The following PGR variants were observed in gnomAD, a reference collection of about 807,000 sequenced individuals.
PGR encodes the protein progesterone receptor.
In PGR, 25 loss-of-function variants were observed where a neutral mutation model predicts 76.1. The ratio of observed to expected loss-of-function variants is 0.33; its 90% CI spans 0.24 to 0.46. The LOEUF (loss-of-function observed/expected upper bound fraction) is 0.46, where lower values mean the gene tolerates loss of function less well. Ranked by LOEUF, PGR falls within the 20% of genes least tolerant of loss-of-function variation. The probability of loss-of-function intolerance (pLI) is 1.00; values close to 1 mark genes in which losing one functional copy is unlikely to be tolerated. For synonymous variants in PGR, 579 were observed against 535.0 expected, an observed-to-expected ratio of 1.08 and a Z score of -1.14; for missense variants, 1,172 against 1,225.3, an observed-to-expected ratio of 0.96 and a Z score of 0.65.
intron 2 of PGR, among the ~76,000 whole-genome samples, chr11:101,114,473 A>C (rs1287146825): frequency 6.6e-6 from 1 of 152,134 alleles, no homozygotes; most frequent in Non-Finnish European, 1.5e-5. Context: ...CATTATGTAG[A>C]ATATAATACA....
chr11:101,126,103 T>C lies in PGR; in HGVS notation c.1693A>G (p.Lys565Glu). The change falls in exon 2 of 8, where the codon AAG (lysine) becomes GAG (glutamate). Residue 565 changes from lysine (K) to glutamate (E), a missense_variant. Physicochemically the swap from Lys to Glu is moderately conservative, Grantham distance 56. Transcript: ENST00000325455. ...PQYSFESLPQ[K>E]ICLICGDEAS... is the part of the protein sequence containing the mutation. ...TCATCCCCACAGATTAAACAAATCT[T>C]CTGAGGTAATGACTCGAAGCTGTAT... is the stretch of plus-strand genomic sequence containing the variant. 6.2e-7 allele frequency: 1 copy of C among 1,614,088 alleles called. No homozygotes were observed. Among genetic ancestry groups the C allele is most frequent in the Non-Finnish European group, 8.5e-7 (1 of 1,179,976 alleles).
chr11:101,036,175 T>A lies in PGR; in HGVS notation c.*2941A>T, dbSNP rs956174994. On this transcript the variant is annotated 3_prime_UTR_variant, in exon 8 of 8. Transcript: ENST00000325455. ...TACAGGTTGACATTCCATGGCTACT[T>A]ACAAGGCATAGTTTTGGCAAAAAAA... is the stretch of plus-strand genomic sequence containing the variant. 5 of 220,786 alleles carry A rather than the reference T, an allele frequency of 2.3e-5. No homozygotes were observed. Among genetic ancestry groups the A allele is most frequent in the African/African-American group, 1.1e-4 (5 of 44,654 alleles). The allele number at this position is 220,786 out of a possible 1,614,324, so 13.7% of individuals were successfully genotyped here.
chr11:101,071,873 G>T (rs1319014019), intron 3 of PGR, among the ~76,000 whole-genome samples: 1 of 152,108 alleles, frequency 6.6e-6, no homozygotes. Flanking sequence ...GAAAGTGACG[G>T]GGAGAATGGA....
chr11:101,030,873 C>A lies in PGR; in HGVS notation c.*8243G>T, dbSNP rs1378448103. 5.2e-6 allele frequency: 1 copy of A among 193,204 alleles called. No homozygotes were observed. Among genetic ancestry groups the A allele is most frequent in the African/African-American group, 2.3e-5 (1 of 43,112 alleles). 12.0% of individuals were successfully genotyped at this position (193,204 alleles called of 1,614,324 possible). ...ATAGCAAGAGGAAGTGAGAGGCTTTCATGATTCAGAAGAAGGAAGATGTAG... is the reference window on the plus strand; with the variant it reads ...ATAGCAAGAGGAAGTGAGAGGCTTTAATGATTCAGAAGAAGGAAGATGTAG... On this transcript the variant is annotated 3_prime_UTR_variant, in exon 8 of 8. Coordinates refer to ENST00000325455, the MANE Select transcript of PGR (RefSeq NM_000926.4).
chr11:101,053,358 T>C (rs924247422), intron 4 of PGR, among the ~76,000 whole-genome samples: 1 of 148,856 alleles, frequency 6.7e-6, no homozygotes, highest in African/African-American at 2.4e-5. Context: ...AGTAGAAAAA[T>C]TGCTACTCTC....
At position 101,037,496 on chromosome 11, in the gene PGR, G is replaced by A. The variant is rs2135373572; in HGVS notation, c.*1620C>T. ...AGGTTTACAGTACAAAACAATTTAA[G>A]GCTACATAAACATAAGAAATAATTG... On this transcript the variant is annotated 3_prime_UTR_variant, in exon 8 of 8. Transcript: ENST00000325455. 4.4e-6 allele frequency: 1 copy of A among 226,590 alleles called. No individual in the cohort carries two copies. Among genetic ancestry groups the A allele is most frequent in the South Asian group, 1.8e-4 (1 of 5,480 alleles). 14.0% of individuals were successfully genotyped at this position (226,590 alleles called of 1,614,324 possible).
At chr11:101,089,033 G>C (rs190218866) in intron 3 of PGR, among the ~76,000 whole-genome samples, 1 of 152,216 alleles carries the variant, frequency 6.6e-6, no homozygotes, top group East Asian at 1.9e-4. Context: ...GAGGAGGAAG[G>C]AAGAAGAAGA....
Position 101,127,701 on chromosome 11 carries a change from G to T in PGR, c.1370C>A (p.Thr457Asn), listed in dbSNP as rs1022050429. 4 of 1,583,160 alleles carry T rather than the reference G, an allele frequency of 2.5e-6. No homozygotes were observed. The highest frequency in any genetic ancestry group is 1.3e-5 in the African/African-American group (1 of 74,746). The change falls in exon 1 of 8, where the codon ACC becomes AAC. Residue 457 changes from threonine to asparagine, a missense_variant. By Grantham distance (65) the Thr-to-Asn change is moderately conservative (BLOSUM62 0). Coordinates refer to ENST00000325455, the MANE Select transcript of PGR (RefSeq NM_000926.4). Reference sequence around the variant, plus strand: ...CGCTTTGTACAGGATGCACTCCAGGGTCGACCCCGAGGAGGACGCAGACGA... The same window carrying T: ...CGCTTTGTACAGGATGCACTCCAGGTTCGACCCCGAGGAGGACGCAGACGA... Reference protein sequence around the residue: ...SVSSASSSGSTLECILYKAEG... With the variant: ...SVSSASSSGSNLECILYKAEG...
intron 2 of PGR, among the ~76,000 whole-genome samples, chr11:101,110,245 A>G (rs631003): frequency 0.97 from 148,303 of 152,320 alleles, 72,211 homozygotes; most frequent in East Asian, 1. Context: ...CATAGATTGT[A>G]ATTCCTCTGA....
rs1156650235 is a variant in PGR at position 101,056,764 on chromosome 11, A to AGAT, written c.2213-5199_2213-5197dup. On this transcript the variant is annotated intron_variant, in intron 4 of 7. Coordinates refer to ENST00000325455, the MANE Select transcript of PGR (RefSeq NM_000926.4). ...GTAAAAAATGTCATGTAATTGAAACAGATAATCTACAACAATGGCAGAGCA... is the reference window on the plus strand; with the variant it reads ...GTAAAAAATGTCATGTAATTGAAACAGATGATAATCTACAACAATGGCAGAGCA... Among the ~76,000 whole-genome samples the AGAT allele has an allele frequency of 1.3e-4, 20 of 152,330 alleles. 2 individuals are homozygous for AGAT. The highest frequency in any genetic ancestry group is 1.2e-3 in the Admixed American group (19 of 15,298).
rs963138529 is a variant in PGR at position 101,117,203 on chromosome 11, A to G, written c.1789+8804T>C. On this transcript the variant is annotated intron_variant, in intron 2 of 7. Transcript: ENST00000325455. ...CTCCAATGGTCATTATTTGTTATTC[A>G]TTATTATTCCAGTACTCAAATTGCT... 2.6e-5 allele frequency among the ~76,000 whole-genome samples: 4 copies of G among 152,156 alleles called. 1 individual carries two copies. The East Asian group carries it at 7.7e-4, about 29-fold the overall frequency.
intron 6 of PGR, among the ~76,000 whole-genome samples, chr11:101,045,895 T>G (rs1424632808): frequency 6.6e-6 from 1 of 152,018 alleles, no homozygotes; most frequent in Non-Finnish European, 1.5e-5. Flanking sequence ...GTAGTTATAT[T>G]TATAGTTTTT....
chr11:101,043,559 G>T (rs1409953875), intron 6 of PGR, among the ~76,000 whole-genome samples: 1 of 152,132 alleles, frequency 6.6e-6, no homozygotes, highest in Non-Finnish European at 1.5e-5. Context: ...ATCCTTTCTA[G>T]AAGGTTTTCA....
At chr11:101,082,009 G>A (rs1203989123) in intron 3 of PGR, among the ~76,000 whole-genome samples, 2 of 152,112 alleles carry the variant, frequency 1.3e-5, no homozygotes, top group Non-Finnish European at 2.9e-5. Context: ...GTTTGGGGAG[G>A]GACCTGATGG....
At chr11:101,058,687 A>T (rs1231688152) in intron 4 of PGR, among the ~76,000 whole-genome samples, 2 of 152,152 alleles carry the variant, frequency 1.3e-5, no homozygotes, top group Non-Finnish European at 2.9e-5. Context: ...CATCAATTTC[A>T]CTGCAACGTA....
intron 3 of PGR, among the ~76,000 whole-genome samples, chr11:101,066,286 C>T (rs939812556): frequency 2.6e-5 from 4 of 152,142 alleles, no homozygotes; most frequent in East Asian, 3.9e-4. Context: ...GGTCTTAACC[C>T]GGGTAAGTAC....
At chr11:101,111,549 CA>C (rs1221317380) in intron 2 of PGR, among the ~76,000 whole-genome samples, 1 of 152,140 alleles carries the variant, frequency 6.6e-6, no homozygotes, top group Non-Finnish European at 1.5e-5. Flanking sequence ...CTTTAAGAAA[CA>C]ACCAAACAGC....
intron 7 of PGR, among the ~76,000 whole-genome samples, chr11:101,041,461 AT>A (rs1366557565): frequency 1.3e-5 from 2 of 151,922 alleles, no homozygotes; most frequent in Non-Finnish European, 2.9e-5. Flanking sequence ...TGTATATTAC[AT>A]TTGTCTAATT....
At chr11:101,096,769 C>T (rs1861846755) in intron 2 of PGR, among the ~76,000 whole-genome samples, 1 of 152,222 alleles carries the variant, frequency 6.6e-6, no homozygotes. Flanking sequence ...TCCACTCACT[C>T]ACTCATAAAC....
Sources: gnomAD v4.1 joint callset for allele counts (sites outside exome capture counted in the v4.1 genomes callset) on GRCh38, gnomAD v4.1.1 for gene constraint, MANE v1.5 for transcripts, NCBI Gene and HGNC (gene_info 2026-07-23, HGNC 2026-07-21) for gene names.